HMGXB3: variants seen among roughly 807,000 people sequenced by gnomAD.
The protein encoded by HMGXB3 is HMG-box containing 3.
HMGXB3 carries 45 observed loss-of-function variants against 121.5 expected under a neutral mutation model. The observed-to-expected ratio is 0.37, with a 90% CI of 0.29 to 0.47. The LOEUF (loss-of-function observed/expected upper bound fraction) is 0.47, where lower values mean the gene tolerates loss of function less well. HMGXB3 is among the 20% of genes least tolerant of loss of function. The pLI, the probability that HMGXB3 is intolerant of heterozygous loss-of-function variation, is 0.99. For missense variants in HMGXB3, 1,376 were observed against 1,602.2 expected (o/e 0.86, Z 2.41); for synonymous variants, 590 against 624.1 (o/e 0.95, Z 0.81).
Position 150,024,662 on chromosome 5 carries a change from C to T in HMGXB3, c.1442C>T (p.Ala481Val). ...EGTSTSSPLPAPKKPTGADLL... is the reference protein window; with the variant it reads ...EGTSTSSPLPVPKKPTGADLL... ...ACAAGTACCTCCAGTCCACTCCCTGCTCCTAAAAAACCTACAGGGTAAGTC... is the reference window on the plus strand; with the variant it reads ...ACAAGTACCTCCAGTCCACTCCCTGTTCCTAAAAAACCTACAGGGTAAGTC... The change falls in exon 7 of 20, where the codon GCT becomes GTT. Residue 481 changes from alanine (A) to valine (V), a missense_variant. By Grantham distance (64) the Ala-to-Val change is moderately conservative. Around this residue, in one of 2 missense-constraint regions of HMGXB3, gnomAD observed 1,116 missense variants for 1,369.0 expected, o/e 0.82. Coordinates refer to ENST00000502717, the MANE Select transcript of HMGXB3 (RefSeq NM_014983.3). 1 of 1,546,286 alleles carries T rather than the reference C, an allele frequency of 6.5e-7. No homozygotes were observed. The highest frequency in any genetic ancestry group is 2.0e-5 in the Admixed American group (1 of 50,204).
Position 150,052,541 on chromosome 5 carries a change from C to T in HMGXB3, c.*349C>T, listed in dbSNP as rs147773951. On this transcript the variant is annotated 3_prime_UTR_variant, in exon 20 of 20. Coordinates refer to ENST00000502717, the MANE Select transcript of HMGXB3 (RefSeq NM_014983.3). Reference sequence around the variant, plus strand: ...GGTGGAGGTCCTGGGTGGGCTAAGGCGTGAGCCCCAGCACTAGGTGGGAAG... The same window carrying T: ...GGTGGAGGTCCTGGGTGGGCTAAGGTGTGAGCCCCAGCACTAGGTGGGAAG... 7.0e-5 allele frequency: 18 copies of T among 257,570 alleles called. No homozygotes were observed. The highest frequency in any genetic ancestry group is 2.6e-4 in the African/African-American group (12 of 46,006). 16.0% of individuals were successfully genotyped at this position (257,570 alleles called of 1,614,324 possible).
Position 150,026,850 on chromosome 5 carries a change from G to A in HMGXB3, c.1605G>A (p.Leu535=), listed in dbSNP as rs147489392. Residue 535 remains leucine (L), a synonymous_variant, in exon 8 of 20, where the codon CTG becomes CTA. Coordinates refer to ENST00000502717, the MANE Select transcript of HMGXB3 (RefSeq NM_014983.3). ...TGGGGCGAGGCAGCAGCATGGGACTGCCCAGGGCCAGGCAGGCCTTTTCCC... is the reference window on the plus strand; with the variant it reads ...TGGGGCGAGGCAGCAGCATGGGACTACCCAGGGCCAGGCAGGCCTTTTCCC... The part of the protein sequence containing the change: ...VNVGRGSSMG[L]PRARQAFSLS... 1.3e-6 allele frequency: 2 copies of A among 1,526,336 alleles called. No individual in the cohort carries two copies. Among genetic ancestry groups the A allele is most frequent in the Non-Finnish European group, 1.8e-6 (2 of 1,135,104 alleles). The allele number at this position is 1,526,336 out of a possible 1,614,324, so 94.5% of individuals were successfully genotyped here.
At position 150,018,008 on chromosome 5, in the gene HMGXB3, A is replaced by G. The variant is rs77212412; in HGVS notation, c.910-558A>G. 4.2e-3 allele frequency among the ~76,000 whole-genome samples: 635 copies of G among 152,282 alleles called. 22 individuals carry two copies. In the East Asian group the frequency reaches 0.098, roughly 24 times the overall value. Reference sequence around the variant, plus strand: ...AGTCCTGAACTGCCCTTATTTTTTCAGTGACCATGGATCTATTTTTATTCT... The same window carrying G: ...AGTCCTGAACTGCCCTTATTTTTTCGGTGACCATGGATCTATTTTTATTCT... On this transcript the variant is annotated intron_variant, in intron 5 of 19. Transcript: ENST00000502717.
chr5:150,016,727 G>A (rs1755969311), intron 5 of HMGXB3, among the ~76,000 whole-genome samples: 1 of 152,072 alleles, frequency 6.6e-6, no homozygotes, highest in Non-Finnish European at 1.5e-5. Context: ...AAAAGAGGTG[G>A]TTTAAGCCAT....
chr5:150,022,869 A>G (rs1199455516), intron 6 of HMGXB3, among the ~76,000 whole-genome samples: 1 of 139,960 alleles, frequency 7.1e-6, no homozygotes, highest in Non-Finnish European at 1.5e-5. Context: ...TCTGTCACCC[A>G]GGCATGAATA....
intron 7 of HMGXB3, among the ~76,000 whole-genome samples, chr5:150,026,476 A>G (rs1387953951): frequency 6.6e-6 from 1 of 152,254 alleles, no homozygotes; most frequent in Non-Finnish European, 1.5e-5. Flanking sequence ...CATACTGTAT[A>G]GGTAATTACT....
chr5:150,041,387 GC>G (rs1258568653), intron 14 of HMGXB3, among the ~76,000 whole-genome samples: 2 of 152,192 alleles, frequency 1.3e-5, no homozygotes, highest in African/African-American at 4.8e-5. Flanking sequence ...AGTTACATGG[GC>G]CTGTGTTTCA....
intron 16 of HMGXB3, 173 bp from the exon 17 acceptor site, chr5:150,047,451 T>TAG: frequency 1.4e-6 from 1 of 692,160 alleles, no homozygotes; most frequent in Middle Eastern, 4.1e-4. Flanking sequence ...CCAGTTGTAA[T>TAG]AGACTTCAAA....
rs576464201 is a variant in HMGXB3 at position 150,012,793 on chromosome 5, A to G, written c.909+440A>G. On this transcript the variant is annotated intron_variant, in intron 5 of 19. Transcript: ENST00000502717. The stretch of plus-strand genomic sequence containing the variant: ...AGACTGGATTCGTTTCTTGATTCCC[A>G]GTTGATATTTTTTTCAGCATCGGGG... 2.1e-4 allele frequency among the ~76,000 whole-genome samples: 32 copies of G among 152,322 alleles called. No individual in the cohort carries two copies. The South Asian group carries it at 5.4e-3, about 26-fold the overall frequency.
At chr5:150,049,066 G>A (rs1030921378) in intron 18 of HMGXB3, among the ~76,000 whole-genome samples, 1 of 152,224 alleles carries the variant, frequency 6.6e-6, no homozygotes, top group African/African-American at 2.4e-5. Flanking sequence ...GGAGGAACCT[G>A]CTGTCTGAGG....
intron 11 of HMGXB3, among the ~76,000 whole-genome samples, chr5:150,035,925 T>C (rs537129841): frequency 1.3e-5 from 2 of 152,290 alleles, no homozygotes; most frequent in African/African-American, 4.8e-5. Context: ...AAAACTATCA[T>C]TCATAGAGCC....
Position 150,024,581 on chromosome 5 carries a change from T to C in HMGXB3, c.1361T>C (p.Leu454Pro). The change falls in exon 7 of 20, where the codon CTG becomes CCG. Residue 454 changes from leucine (L) to proline (P), a missense_variant. This residue lies in a region of HMGXB3 where 1,116 missense variants were observed against 1,369.0 expected (regional missense o/e 0.82). Transcript: ENST00000502717. ...AGTGGTGTGCAGCCTGAGGTCACTCTGGGGACAACTGACAATGACAGTCCT... is the reference window on the plus strand; with the variant it reads ...AGTGGTGTGCAGCCTGAGGTCACTCCGGGGACAACTGACAATGACAGTCCT... ...VKSGVQPEVT[L>P]GTTDNDSPGA... 1 of 1,551,732 alleles carries C rather than the reference T, an allele frequency of 6.4e-7. No homozygotes were observed. Among genetic ancestry groups the C allele is most frequent in the Non-Finnish European group, 8.7e-7 (1 of 1,146,996 alleles).
chr5:150,044,346 T>C (rs543630542), intron 15 of HMGXB3, among the ~76,000 whole-genome samples: 36 of 152,282 alleles, frequency 2.4e-4, no homozygotes, highest in African/African-American at 7.9e-4. Context: ...CCTTGCTCCT[T>C]GTGGAGAGGA....
intron 14 of HMGXB3, 57 bp from the exon 15 acceptor site, chr5:150,041,728 C>A: frequency 7.4e-7 from 1 of 1,354,592 alleles, no homozygotes; most frequent in Non-Finnish European, 1.0e-6. Context: ...TGGCTCATCC[C>A]TAGTGGCTTC....
In HMGXB3 at chr5:150,040,868, A is replaced by G; in HGVS notation, c.2534A>G (p.Gln845Arg). 1 of 1,548,910 alleles carries G rather than the reference A, an allele frequency of 6.5e-7. No individual in the cohort carries two copies. The highest frequency in any genetic ancestry group is 8.7e-7 in the Non-Finnish European group (1 of 1,146,034). ...ATCAATGTTGTTCTGAAGTCGGTGC[A>G]GGAGCAGACAGGTAAAAGTTGTTTT... is the stretch of plus-strand genomic sequence containing the variant. ...VSINVVLKSV[Q>R]EQTEKTLTSE... is the part of the protein sequence containing the mutation. The change falls in exon 14 of 20, where the codon CAG (glutamine) becomes CGG (arginine). Residue 845 changes from glutamine (Q) to arginine (R), a missense_variant. Coordinates refer to ENST00000502717, the MANE Select transcript of HMGXB3 (RefSeq NM_014983.3).
intron 6 of HMGXB3, among the ~76,000 whole-genome samples, chr5:150,020,995 C>G (rs2113737686): frequency 6.6e-6 from 1 of 152,206 alleles, no homozygotes; most frequent in Admixed American, 6.5e-5. Flanking sequence ...CACCTGCCTC[C>G]CAAAGTGTTG....
intron 19 of HMGXB3, among the ~76,000 whole-genome samples, chr5:150,051,376 T>C (rs1415286342): frequency 6.6e-6 from 1 of 152,226 alleles, no homozygotes. Context: ...TTGTCATTAC[T>C]CCCTGGGGCT....
chr5:150,025,339 C>G, intron 7 of HMGXB3, among the ~76,000 whole-genome samples: 1 of 152,070 alleles, frequency 6.6e-6, no homozygotes, highest in South Asian at 2.1e-4. Flanking sequence ...AACTGAAGAC[C>G]CTTATTTGTA....
chr5:150,019,406 C>T (rs779444211), intron 6 of HMGXB3, among the ~76,000 whole-genome samples: 2 of 152,128 alleles, frequency 1.3e-5, no homozygotes, highest in Non-Finnish European at 2.9e-5. Flanking sequence ...CAGCCTTTGC[C>T]CATAGAAGAC....
Sources: gnomAD v4.1 joint callset for allele counts (sites outside exome capture counted in the v4.1 genomes callset) on GRCh38, gnomAD v4.1.1 for gene constraint, gnomAD v4.1.1 regional missense constraint, MANE v1.5 for transcripts, NCBI Gene and HGNC (gene_info 2026-07-23, HGNC 2026-07-21) for gene names.